Variants in LEPR observed in about 807,000 individuals in gnomAD.
LEPR encodes the protein leptin receptor, also known as OB receptor.
Under a neutral mutation model 114.7 loss-of-function variants are expected in LEPR, and 56 were observed. The observed-to-expected ratio is 0.49, with a 90% CI of 0.39 to 0.61. The LOEUF is 0.61. Ranked by LOEUF, LEPR falls within the 20% of genes least tolerant of loss-of-function variation. LEPR has a pLI of 0.00. For synonymous variants in LEPR, 443 were observed against 461.4 expected (o/e 0.96, Z 0.51); for missense variants, 1,202 against 1,352.9 (o/e 0.89, Z 1.75).
chr1:65,484,796 G>T (rs990081356), intron 2 of LEPR, among the ~76,000 whole-genome samples: 1 of 152,152 alleles, frequency 6.6e-6, no homozygotes, highest in Non-Finnish European at 1.5e-5. Flanking sequence ...AGCAAACATA[G>T]GTTATCAGAT....
intron 2 of LEPR, among the ~76,000 whole-genome samples, chr1:65,553,636 TAG>T (rs1395394580): frequency 6.6e-6 from 1 of 152,098 alleles, no homozygotes; most frequent in African/African-American, 2.4e-5. Context: ...TCAACATTCT[TAG>T]CTTCCTTGCA....
At chr1:65,455,448 A>G (rs1369147057) in intron 2 of LEPR, among the ~76,000 whole-genome samples, 2 of 152,184 alleles carry the variant, frequency 1.3e-5, no homozygotes, top group Non-Finnish European at 2.9e-5. Flanking sequence ...GGTGATGTAC[A>G]GATGGGTTTT....
At chr1:65,595,007 G>T (rs1324431300) in intron 6 of LEPR, among the ~76,000 whole-genome samples, 2 of 151,990 alleles carry the variant, frequency 1.3e-5, no homozygotes, top group South Asian at 2.1e-4. Flanking sequence ...AAAGCAAAAA[G>T]TTGATTTGGG....
At chr1:65,429,264 G>A (rs951356687) in intron 2 of LEPR, among the ~76,000 whole-genome samples, 4 of 152,158 alleles carry the variant, frequency 2.6e-5, no homozygotes, top group Admixed American at 2.0e-4. Context: ...GACATTGCAA[G>A]CAGGGGGCAC....
intron 2 of LEPR, among the ~76,000 whole-genome samples, chr1:65,489,160 A>G (rs114763157): frequency 1.2e-3 from 185 of 152,260 alleles, no homozygotes; most frequent in African/African-American, 4.1e-3. Context: ...TAGATCATGT[A>G]GTAGTTCTAT....
chr1:65,453,340 C>A (rs1400397703), intron 2 of LEPR, among the ~76,000 whole-genome samples: 1 of 152,052 alleles, frequency 6.6e-6, no homozygotes, highest in Non-Finnish European at 1.5e-5. Context: ...TGTGTTTGCT[C>A]TTGCTTCTCT....
At chr1:65,476,190 CA>C (rs927285519) in intron 2 of LEPR, among the ~76,000 whole-genome samples, 25 of 150,092 alleles carry the variant, frequency 1.7e-4, no homozygotes, top group African/African-American at 6.2e-4. Flanking sequence ...AAAATTATTA[CA>C]TTTTATTGTA....
At chr1:65,495,092 C>T (rs779021592) in intron 2 of LEPR, among the ~76,000 whole-genome samples, 2 of 151,974 alleles carry the variant, frequency 1.3e-5, no homozygotes, top group Non-Finnish European at 2.9e-5. Context: ...AGTTTCTGTA[C>T]AGCAAAGGAA....
intron 3 of LEPR, among the ~76,000 whole-genome samples, chr1:65,570,019 C>T (rs1487842935): frequency 1.3e-5 from 2 of 152,130 alleles, no homozygotes; most frequent in African/African-American, 4.8e-5. Context: ...TTTGGTGTTA[C>T]TCTCTTAAAT....
intron 2 of LEPR, among the ~76,000 whole-genome samples, chr1:65,526,831 T>C (rs1184990922): frequency 1.3e-5 from 2 of 152,224 alleles, no homozygotes; most frequent in Non-Finnish European, 2.9e-5. Context: ...CTTAACTCTC[T>C]TTAACTTGTT....
At chr1:65,435,969 C>T (rs1041763586) in intron 2 of LEPR, 279 of 984,618 alleles carry the variant, frequency 2.8e-4, no homozygotes, top group Non-Finnish European at 3.1e-4. Context: ...TGTGAGAGGA[C>T]GATTACTTTG....
intron 2 of LEPR, among the ~76,000 whole-genome samples, chr1:65,454,777 C>T (rs1173798316): frequency 7.2e-5 from 11 of 152,146 alleles, no homozygotes; most frequent in East Asian, 1.9e-4. Flanking sequence ...TTGCTCTTCT[C>T]GAGGAGTATC....
chr1:65,493,902 T>C (rs1648009392), intron 2 of LEPR: 1 of 152,168 alleles, frequency 6.6e-6, no homozygotes, highest in Non-Finnish European at 1.5e-5. Flanking sequence ...GATTCTGATA[T>C]CAATGAAATA....
At position 65,499,291 on chromosome 1, in the gene LEPR, T is replaced by C. The variant is rs545719862; in HGVS notation, c.-20-66255T>C. Reference sequence around the variant, plus strand: ...AATATAGCGAGTTTCCCAAAGAGAATTCCTGCATTTTCAAAATATTCTTCT... The same window carrying C: ...AATATAGCGAGTTTCCCAAAGAGAACTCCTGCATTTTCAAAATATTCTTCT... On this transcript the variant is annotated intron_variant, in intron 2 of 19. Transcript: ENST00000349533. Among the ~76,000 whole-genome samples, 4 of 152,202 alleles carry C rather than the reference T, an allele frequency of 2.6e-5. No individual in the cohort carries two copies. In the South Asian group the frequency reaches 8.3e-4, roughly 32 times the overall value.
chr1:65,574,701 CA>C (rs1440070410), intron 5 of LEPR, among the ~76,000 whole-genome samples: 1 of 152,106 alleles, frequency 6.6e-6, no homozygotes, highest in Admixed American at 6.5e-5. Context: ...TACATATTGC[CA>C]AAATGCTTTC....
intron 11 of LEPR, among the ~76,000 whole-genome samples, 199 bp downstream of exon 11, chr1:65,605,436 CT>C (rs35307544): frequency 1.3e-5 from 2 of 152,060 alleles, no homozygotes; most frequent in Admixed American, 6.6e-5. Context: ...TTATAGCAGA[CT>C]TTTTTTAGCA....
At chr1:65,555,186 C>CT (rs1425896635) in intron 2 of LEPR, among the ~76,000 whole-genome samples, 3 of 152,148 alleles carry the variant, frequency 2.0e-5, no homozygotes, top group Non-Finnish European at 4.4e-5. Flanking sequence ...CCCGCCTGTT[C>CT]TTTTTTTGTG....
chr1:65,572,803 C>G (rs1251775769), intron 5 of LEPR, among the ~76,000 whole-genome samples: 4 of 152,198 alleles, frequency 2.6e-5, no homozygotes, highest in Non-Finnish European at 5.9e-5. Context: ...TTCAGCAGCT[C>G]TCTATCAGCA....
At chr1:65,519,590 C>A (rs973300107) in intron 2 of LEPR, among the ~76,000 whole-genome samples, 6 of 152,034 alleles carry the variant, frequency 3.9e-5, no homozygotes, top group Non-Finnish European at 8.8e-5. Context: ...ATCCATATTT[C>A]TACTAAAAGT....
Sources: allele counts gnomAD v4.1 joint callset (sites outside exome capture counted in the v4.1 genomes callset), GRCh38; gene constraint gnomAD v4.1.1; transcripts MANE v1.5; gene names NCBI Gene and HGNC (gene_info 2026-07-23, HGNC 2026-07-21).